Variants in OBSL1 observed in about 807,000 individuals in gnomAD.
OBSL1 encodes obscurin-like protein 1.
In OBSL1, 160 loss-of-function variants were observed where a neutral mutation model predicts 172.0. The observed-to-expected ratio is 0.93, with a 90% CI of 0.82 to 1.06. The LOEUF is 1.06. Among genes scored for constraint, OBSL1 ranks in the 50% least tolerant of loss-of-function variants. OBSL1 has a pLI of 0.00. For synonymous variants in OBSL1, 1,200 were observed against 1,196.3 expected, an observed-to-expected ratio of 1.00 and a Z score of -0.06; for missense variants, 2,681 against 2,715.4, an observed-to-expected ratio of 0.99 and a Z score of 0.28.
At chr2:219,552,512 G>T in intron 18 of OBSL1, 24 bp downstream of exon 18, 1 of 1,586,380 alleles carries the variant, frequency 6.3e-7, no homozygotes, top group Non-Finnish European at 8.5e-7. Flanking sequence ...CGAGGGGCCC[G>T]AAAGGGTAAC....
Position 219,567,429 on chromosome 2 carries a change from C to G in OBSL1, c.1681G>C (p.Glu561Gln), listed in dbSNP as rs778793641. ...YRLERQEVGS[E>Q]DWIQCFSIEK... The stretch of plus-strand genomic sequence containing the variant: ...ATGCTGAAGCACTGAATCCAGTCTT[C>G]AGAGCCCACTTCCTGCCGCTCCAGC... The change falls in exon 4 of 21, where the codon GAA becomes CAA. Residue 561 changes from glutamate to glutamine, a missense_variant. Transcript: ENST00000404537. The G allele has an allele frequency of 3.1e-6, 5 of 1,613,042 alleles. No homozygotes were observed. The highest frequency in any genetic ancestry group is 4.2e-6 in the Non-Finnish European group (5 of 1,179,540).
At position 219,570,278 on chromosome 2, in the gene OBSL1, A is replaced by C. The variant is rs1212505179; in HGVS notation, c.955T>G (p.Cys319Gly). The C allele has an allele frequency of 5.0e-6, 8 of 1,604,250 alleles. No individual in the cohort carries two copies. The highest frequency in any genetic ancestry group is 1.7e-4 in the Middle Eastern group (1 of 6,034). ...CQAKDRGLYVCAARNSAGQTL... is the reference protein window; with the variant it reads ...CQAKDRGLYVGAARNSAGQTL... ...TGGCCCGCCGAGTTGCGCGCGGCGC[A>C]GACGTAGAGCCCACGATCCTTGGCC... Residue 319 changes from cysteine (C) to glycine (G), a missense_variant, in exon 1 of 21, where the codon TGC becomes GGC. Around this residue, in one of 5 missense-constraint regions of OBSL1, gnomAD observed 706 missense variants for 695.8 expected, o/e 1.01. Transcript: ENST00000404537.
intron 7 of OBSL1, 110 bp downstream of exon 7, chr2:219,563,245 G>A: frequency 8.8e-7 from 1 of 1,137,816 alleles, no homozygotes. Context: ...CTGCCAGGGG[G>A]AGGGCAGTAG....
chr2:219,552,360 A>T (rs1695680978), intron 18 of OBSL1, 144 bp from the exon 19 acceptor site: 2 of 892,284 alleles, frequency 2.2e-6, no homozygotes, highest in South Asian at 3.3e-5. Context: ...CGGAGCGGGA[A>T]GCCTAGAGGT....
Position 219,552,704 on chromosome 2 carries a change from C to T in OBSL1, c.5147-7G>A, listed in dbSNP as rs1258207372. On this transcript the variant is annotated splice_region_variant and splice_polypyrimidine_tract_variant and intron_variant, in intron 17 of 20. Transcript: ENST00000404537. ...AGTACCGCCACAGTACGCTCTGGGG[C>T]GGAGCCCGGGGCGTGAGCGGGGCGG... 3.3e-6 allele frequency: 5 copies of T among 1,518,714 alleles called. No homozygotes were observed. The highest frequency in any genetic ancestry group is 4.4e-6 in the Non-Finnish European group (5 of 1,132,580). The allele number at this position is 1,518,714 out of a possible 1,614,324, so 94.1% of individuals were successfully genotyped here. A position where few individuals can be genotyped will look rare whatever the true frequency, so the allele number is the denominator to read the frequency against.
rs771774642 is a variant in OBSL1, at chr2:219,562,494, C to T, written c.2861G>A (p.Arg954His). 22 of 1,613,912 alleles carry T rather than the reference C, an allele frequency of 1.4e-5. No individual in the cohort carries two copies. The highest frequency in any genetic ancestry group is 8.3e-5 in the Admixed American group (5 of 60,010). Residue 954 changes from arginine (R) to histidine (H), a missense_variant, in exon 8 of 21, where the codon CGC (arginine) becomes CAC (histidine). By Grantham distance (29) the Arg-to-His change is conservative. Coordinates refer to ENST00000404537, the MANE Select transcript of OBSL1 (RefSeq NM_015311.3). ...LLLQKEDTVR[R>H]LVLPAVQLED... ...GAGCTGGACAGCGGGCAGCACCAGG[C>T]GGCGGACAGTGTCTTCCTTCTGCAG...
Position 219,571,265 on chromosome 2 carries a change from TGGGGGGGCAGG to T in OBSL1, c.-44_-34del. On this transcript the variant is annotated 5_prime_UTR_variant, in exon 1 of 21. Transcript: ENST00000404537. ...GCCGACCGCCTGCAGCGGCGAACGG[TGGGGGGGCAGG>T]GGGGGGTGCGGAGGGCGAGCCGAGG... 2.6e-6 allele frequency: 2 copies of T among 756,366 alleles called. No individual in the cohort carries two copies. Among genetic ancestry groups the T allele is most frequent in the African/African-American group, 2.0e-5 (1 of 50,188 alleles). The allele number at this position is 756,366 out of a possible 1,614,324, so 46.9% of individuals were successfully genotyped here.
At chr2:219,556,772 C>G (rs1474025028) in intron 12 of OBSL1, 49 bp from the exon 13 acceptor site, 25 of 1,516,734 alleles carry the variant, frequency 1.6e-5, no homozygotes, top group Non-Finnish European at 2.1e-5. Context: ...TTTCTTCTCT[C>G]TCCTTTTCAT....
In OBSL1 at chr2:219,555,730, A is replaced by G. The variant is rs1452019608; in HGVS notation, c.4609+290T>C. Reference sequence around the variant, plus strand: ...AAGTGGGTATGTGTATCCCTAGAATACATGCCTGAAGGATGCCCATGGCAA... The same window carrying G: ...AAGTGGGTATGTGTATCCCTAGAATGCATGCCTGAAGGATGCCCATGGCAA... On this transcript the variant is annotated intron_variant, in intron 14 of 20. Coordinates refer to ENST00000404537, the MANE Select transcript of OBSL1 (RefSeq NM_015311.3). 2.3e-6 allele frequency: 3 copies of G among 1,302,692 alleles called. No homozygotes were observed. The Admixed American group carries it at 1.1e-4, about 46-fold the overall frequency. 80.7% of individuals were successfully genotyped at this position (1,302,692 alleles called of 1,614,324 possible).
chr2:219,563,792 G>T (rs1246031082), intron 6 of OBSL1, among the ~76,000 whole-genome samples, 165 bp from the exon 7 acceptor site: 1 of 152,148 alleles, frequency 6.6e-6, no homozygotes, highest in Non-Finnish European at 1.5e-5. Context: ...CTGAGGGCAT[G>T]GCAGGTGAGG....
In OBSL1 at chr2:219,567,810, G is replaced by A. The variant is rs769337051; in HGVS notation, c.1442C>T (p.Ala481Val). 6.2e-7 allele frequency: 1 copy of A among 1,613,814 alleles called. No individual in the cohort carries two copies. Among genetic ancestry groups the A allele is most frequent in the African/African-American group, 1.3e-5 (1 of 74,926 alleles). ...TCGGGTGACCCCTGGAAGGACCAGG[G>A]CATGCATGTGGCCTGAGCTGCTCTG... ...ICQSSSGHMH[A>V]LVLPGVTRED... is the part of the protein sequence containing the mutation. Residue 481 changes from alanine (A) to valine (V), a missense_variant, in exon 3 of 21, where the codon GCC (alanine) becomes GTC (valine). This residue lies in a region of OBSL1 where 706 missense variants were observed against 695.8 expected (regional missense o/e 1.01). Coordinates refer to ENST00000404537, the MANE Select transcript of OBSL1 (RefSeq NM_015311.3).
chr2:219,569,183 G>C (rs1378341669), intron 1 of OBSL1: 1 of 152,214 alleles, frequency 6.6e-6, no homozygotes, highest in Non-Finnish European at 1.5e-5. Flanking sequence ...GCAACTCGGG[G>C]AAGCTCCTCT....
chr2:219,551,246 G>A, intron 20 of OBSL1: 1 of 1,397,860 alleles, frequency 7.2e-7, no homozygotes, highest in East Asian at 2.6e-5. Context: ...GGCTGTTCAA[G>A]AGAGACAAAC....
intron 19 of OBSL1, 105 bp downstream of exon 19, chr2:219,552,007 A>C: frequency 8.5e-7 from 1 of 1,178,474 alleles, no homozygotes; most frequent in Non-Finnish European, 1.2e-6. Flanking sequence ...CTCGGGGGGA[A>C]GGGAAGAGAG....
rs372464544 is a variant in OBSL1, at chr2:219,565,371, C to T, written c.2278G>A (p.Glu760Lys). Residue 760 changes from glutamate (E) to lysine (K), a missense_variant, in exon 6 of 21, where the codon GAG (glutamate) becomes AAG (lysine). Physicochemically the swap from Glu to Lys is moderately conservative, Grantham distance 56 (BLOSUM62 1). Transcript: ENST00000404537. ...CCATCCATCTTCACCACCAGCAACTCGCTCTCCTCCACCTTCTGCCCATCC... is the reference window on the plus strand; with the variant it reads ...CCATCCATCTTCACCACCAGCAACTTGCTCTCCTCCACCTTCTGCCCATCC... ...YKDGQKVEES[E>K]LLVVKMDGRK... 5.6e-5 allele frequency: 91 copies of T among 1,613,934 alleles called. 1 individual carries two copies. The East Asian group carries it at 1.6e-3, about 28-fold the overall frequency.
At chr2:219,560,351 C>T (rs1010839388) in intron 8 of OBSL1, among the ~76,000 whole-genome samples, 9 of 152,172 alleles carry the variant, frequency 5.9e-5, no homozygotes, top group African/African-American at 1.9e-4. Context: ...TTGCATTCAA[C>T]GTCTGTCTGA....
At chr2:219,552,759 T>TCCACGCCCC (rs1362009099) in intron 17 of OBSL1, 62 bp from the exon 18 acceptor site, 2 of 1,511,876 alleles carry the variant, frequency 1.3e-6, no homozygotes, top group Non-Finnish European at 1.8e-6. Flanking sequence ...TCACGCCCCC[T>TCCACGCCCC]CCACGCCCCC....
Position 219,563,388 on chromosome 2 carries a change from C to G in OBSL1, c.2647G>C (p.Asp883His), listed in dbSNP as rs753866572. 1 of 1,601,440 alleles carries G rather than the reference C, an allele frequency of 6.2e-7. No individual in the cohort carries two copies. The highest frequency in any genetic ancestry group is 8.5e-7 in the Non-Finnish European group (1 of 1,172,272). ...GTGACAGTGAAGTAGGCACACTCAT[C>G]TCCAGCGACGCACTGAAACTCGCCC... ...DGGEFQCVAG[D>H]ECAYFTVTIT... Residue 883 changes from aspartate (D) to histidine (H), a missense_variant, in exon 7 of 21, where the codon GAT becomes CAT. Around this residue, in one of 5 missense-constraint regions of OBSL1, gnomAD observed 1,765 missense variants for 1,748.3 expected, o/e 1.01. Transcript: ENST00000404537.
intron 8 of OBSL1, among the ~76,000 whole-genome samples, chr2:219,560,780 TG>T (rs1696405905): frequency 1.3e-5 from 2 of 152,250 alleles, no homozygotes; most frequent in South Asian, 4.1e-4. Context: ...GCTGGTCCTC[TG>T]GGGCCGAGCA....
Sources: allele counts gnomAD v4.1 joint callset (sites outside exome capture counted in the v4.1 genomes callset), GRCh38; gene constraint gnomAD v4.1.1; regional missense constraint gnomAD v4.1.1; transcripts MANE v1.5; gene names NCBI Gene and HGNC (gene_info 2026-07-23, HGNC 2026-07-21).